Variants in OR4D2 observed in about 807,000 individuals in gnomAD.
OR4D2 encodes the protein olfactory receptor family 4 subfamily D member 2.
Under a neutral mutation model 12.4 loss-of-function variants are expected in OR4D2, and 9 were observed. That is an observed-to-expected ratio of 0.73 (90% confidence interval 0.44 to 1.27). The LOEUF is 1.27. Ranked by LOEUF, OR4D2 falls within the 50% of genes most tolerant of loss-of-function variation. OR4D2 has a pLI of 0.00. For synonymous variants in OR4D2, 151 were observed against 151.1 expected (o/e 1.00, Z 0.01); for missense variants, 373 against 381.6 (o/e 0.98, Z 0.19).
At chr17:58,168,454 C>T (rs901731410) in intron 1 of OR4D2, among the ~76,000 whole-genome samples, 3 of 152,058 alleles carry the variant, frequency 2.0e-5, no homozygotes, top group Non-Finnish European at 4.4e-5. Context: ...GTGATCCATC[C>T]GCCTCCGCCT....
Position 58,169,940 on chromosome 17 carries a change from G to T in OR4D2, c.285G>T (p.Gln95His), listed in dbSNP as rs1328500468. 7 of 1,613,936 alleles carry T rather than the reference G, an allele frequency of 4.3e-6. No individual in the cohort carries two copies. The highest frequency in any genetic ancestry group is 5.9e-6 in the Non-Finnish European group (7 of 1,180,034). ...LLSEKKTISY[Q>H]GCMGQIFFFH... ...CTGAGAAGAAAACCATCTCTTACCAGGGCTGCATGGGTCAGATCTTCTTCT... is the reference window on the plus strand; with the variant it reads ...CTGAGAAGAAAACCATCTCTTACCATGGCTGCATGGGTCAGATCTTCTTCT... The change falls in exon 2 of 2, where the codon CAG (glutamine) becomes CAT (histidine). Residue 95 changes from glutamine to histidine, a missense_variant. Coordinates refer to ENST00000545221, the MANE Select transcript of OR4D2 (RefSeq NM_001004707.4).
At chr17:58,167,238 T>C (rs139550678) in intron 1 of OR4D2, among the ~76,000 whole-genome samples, 185 bp downstream of exon 1, 1,583 of 152,192 alleles carry the variant, frequency 0.01, 10 homozygotes, top group South Asian at 0.027. Context: ...AAATGATAAA[T>C]GCTATAATGG....
rs765833501 is a variant in OR4D2 at position 58,170,196 on chromosome 17, G to A, written c.541G>A (p.Val181Ile). The change falls in exon 2 of 2, where the codon GTT becomes ATT. Residue 181 changes from valine to isoleucine, a missense_variant. Coordinates refer to ENST00000545221, the MANE Select transcript of OR4D2 (RefSeq NM_001004707.4). ...CATTTTGGATAACTTCTACTGTGAT[G>A]TTCCCCAAGTACTGAGACTTGCCTG... ...PNILDNFYCD[V>I]PQVLRLACTD... 9 of 1,614,044 alleles carry A rather than the reference G, an allele frequency of 5.6e-6. No individual in the cohort carries two copies. Among genetic ancestry groups the A allele is most frequent in the Non-Finnish European group, 7.6e-6 (9 of 1,180,036 alleles).
In OR4D2 at chr17:58,169,865, CCT is replaced by C. The variant is rs1967938287; in HGVS notation, c.213_214del (p.Cys72PhefsTer16). 8.7e-6 allele frequency: 14 copies of C among 1,614,046 alleles called. No individual in the cohort carries two copies. The highest frequency in any genetic ancestry group is 1.2e-5 in the Non-Finnish European group (14 of 1,180,014). ...FLLRNLAVLD[L>X]CFSSVTAPKM... ...TGCTCCGAAACCTGGCTGTCCTAGA[CCT>C]CTGTTTCTCTTCAGTCACTGCTCCC... On this transcript the variant is annotated frameshift_variant, in exon 2 of 2. Transcript: ENST00000545221. LOFTEE classifies it high-confidence loss of function.
intron 1 of OR4D2, among the ~76,000 whole-genome samples, chr17:58,167,561 G>A (rs983043452): frequency 4.6e-5 from 7 of 152,180 alleles, no homozygotes; most frequent in Non-Finnish European, 7.3e-5. Flanking sequence ...TTGCATGCAC[G>A]TATGTAGGTA....
At position 58,167,554 on chromosome 17, in the gene OR4D2, C is replaced by T. The variant is rs539972442; in HGVS notation, c.-19+501C>T. 2.0e-5 allele frequency among the ~76,000 whole-genome samples: 3 copies of T among 152,242 alleles called. No homozygotes were observed. In the East Asian group the frequency reaches 5.8e-4, roughly 29 times the overall value. ...TGTATGAAATGCTGAGAGAGAGTTGCATGCACGTATGTAGGTATGTTTTTC... is the reference window on the plus strand; with the variant it reads ...TGTATGAAATGCTGAGAGAGAGTTGTATGCACGTATGTAGGTATGTTTTTC... On this transcript the variant is annotated intron_variant, in intron 1 of 1. Transcript: ENST00000545221.
intron 1 of OR4D2, among the ~76,000 whole-genome samples, chr17:58,169,057 A>T (rs1257186230): frequency 1.3e-5 from 2 of 152,250 alleles, no homozygotes; most frequent in Non-Finnish European, 2.9e-5. Flanking sequence ...AATATAGACA[A>T]GGAAAATCCA....
rs1412281171 is a variant in OR4D2 at position 58,169,902 on chromosome 17, G to A, written c.247G>A (p.Val83Met). ...TTCAGTCACTGCTCCCAAAATGCTA[G>A]TGGACCTCCTCTCTGAGAAGAAAAC... ...FSSVTAPKML[V>M]DLLSEKKTIS... The change falls in exon 2 of 2, where the codon GTG becomes ATG. Residue 83 changes from valine to methionine, a missense_variant. By Grantham distance (21) the Val-to-Met change is conservative. Transcript: ENST00000545221. 5.6e-6 allele frequency: 9 copies of A among 1,614,108 alleles called. No homozygotes were observed. The East Asian group carries it at 1.3e-4, about 24-fold the overall frequency.
Position 58,169,745 on chromosome 17 carries a change from G to A in OR4D2, c.90G>A (p.Met30Ile), listed in dbSNP as rs1380513648. ...AGCTCCAGCGTTTCCTGTTTCTAAT[G>A]TTCCTGTTTGTCTACATCACCACTG... ...TRELQRFLFL[M>I]FLFVYITTVM... The change falls in exon 2 of 2, where the codon ATG (methionine) becomes ATA (isoleucine). Residue 30 changes from methionine to isoleucine, a missense_variant. Coordinates refer to ENST00000545221, the MANE Select transcript of OR4D2 (RefSeq NM_001004707.4). The A allele has an allele frequency of 6.8e-6, 11 of 1,614,038 alleles. No individual in the cohort carries two copies. The highest frequency in any genetic ancestry group is 2.2e-5 in the East Asian group (1 of 44,878).
In OR4D2 at chr17:58,170,821, C is replaced by CCA; in HGVS notation, c.*246_*247dup. The stretch of plus-strand genomic sequence containing the variant: ...GAATTGTTCACATGGCCCCTGAAAA[C>CCA]CACACCTTCCTTTTCACCTTCTTGG... On this transcript the variant is annotated 3_prime_UTR_variant, in exon 2 of 2. Coordinates refer to ENST00000545221, the MANE Select transcript of OR4D2 (RefSeq NM_001004707.4). 1.9e-6 allele frequency: 1 copy of CCA among 518,948 alleles called. No individual in the cohort carries two copies. Among genetic ancestry groups the CCA allele is most frequent in the Non-Finnish European group, 3.4e-6 (1 of 290,020 alleles). The allele number at this position is 518,948 out of a possible 1,614,324, so 32.1% of individuals were successfully genotyped here.
intron 1 of OR4D2, chr17:58,169,397 C>T (rs947569194): frequency 1.7e-5 from 9 of 521,596 alleles, no homozygotes; most frequent in African/African-American, 1.5e-4. Context: ...AAGTGTCTTC[C>T]CACCACTATA....
intron 1 of OR4D2, among the ~76,000 whole-genome samples, chr17:58,168,504 G>A (rs1442242526): frequency 1.3e-5 from 2 of 152,004 alleles, no homozygotes; most frequent in Admixed American, 6.6e-5. Flanking sequence ...CACCTCTCCC[G>A]GCTCCTCCAT....
intron 1 of OR4D2, among the ~76,000 whole-genome samples, chr17:58,168,597 A>G (rs960862527): frequency 4.6e-5 from 7 of 151,298 alleles, no homozygotes; most frequent in African/African-American, 1.7e-4. Context: ...CTATTCCTTC[A>G]TCTCCCTTTA....
In OR4D2 at chr17:58,170,694, G is replaced by A. The variant is rs1461267042; in HGVS notation, c.*115G>A. On this transcript the variant is annotated 3_prime_UTR_variant, in exon 2 of 2. Transcript: ENST00000545221. ...GTTGAGGTTCATCATAGCAGGGAAT[G>A]AATTTTGAAACTAAGCAACTTCGTG... 2.4e-6 allele frequency: 2 copies of A among 818,252 alleles called. No homozygotes were observed. Among genetic ancestry groups the A allele is most frequent in the East Asian group, 2.5e-5 (1 of 40,204 alleles). The allele number at this position is 818,252 out of a possible 1,614,324, so 50.7% of individuals were successfully genotyped here.
At position 58,170,137 on chromosome 17, in the gene OR4D2, C is replaced by A; in HGVS notation, c.482C>A (p.Ala161Asp). 1 of 1,614,178 alleles carries A rather than the reference C, an allele frequency of 6.2e-7. No homozygotes were observed. The highest frequency in any genetic ancestry group is 8.5e-7 in the Non-Finnish European group (1 of 1,180,038). The change falls in exon 2 of 2, where the codon GCT (alanine) becomes GAT (aspartate). Residue 161 changes from alanine (A) to aspartate (D), a missense_variant. By Grantham distance (126) the Ala-to-Asp change is moderately radical. Coordinates refer to ENST00000545221, the MANE Select transcript of OR4D2 (RefSeq NM_001004707.4). The part of the protein sequence containing the change: ...GGFVHSIVQL[A>D]LMLPLPFCGP... ...TTTGTCCACTCTATTGTCCAGCTGG[C>A]TCTGATGCTCCCACTGCCCTTCTGT... is the stretch of plus-strand genomic sequence containing the variant.
intron 1 of OR4D2, among the ~76,000 whole-genome samples, chr17:58,167,640 T>C (rs555263983): frequency 6.6e-6 from 1 of 152,242 alleles, no homozygotes; most frequent in African/African-American, 2.4e-5. Context: ...TTTTAAGCTG[T>C]GAGCAAATCA....
chr17:58,169,575 C>T (rs1425859411), intron 1 of OR4D2, 63 bp from the exon 2 acceptor site: 10 of 1,160,406 alleles, frequency 8.6e-6, no homozygotes, highest in African/African-American at 1.5e-5. Flanking sequence ...GTTCTGAGCC[C>T]CTGAGCCCTG....
In OR4D2 at chr17:58,169,873, T is replaced by C. The variant is rs1232162053; in HGVS notation, c.218T>C (p.Phe73Ser). The C allele has an allele frequency of 6.2e-7, 1 of 1,614,140 alleles. No homozygotes were observed. Among genetic ancestry groups the C allele is most frequent in the Admixed American group, 1.7e-5 (1 of 60,020 alleles). ...LRNLAVLDLC[F>S]SSVTAPKMLV... Reference sequence around the variant, plus strand: ...AACCTGGCTGTCCTAGACCTCTGTTTCTCTTCAGTCACTGCTCCCAAAATG... The same window carrying C: ...AACCTGGCTGTCCTAGACCTCTGTTCCTCTTCAGTCACTGCTCCCAAAATG... The change falls in exon 2 of 2, where the codon TTC (phenylalanine) becomes TCC (serine). Residue 73 changes from phenylalanine (F) to serine (S), a missense_variant. Phe to Ser is a radical substitution (Grantham distance 155). Transcript: ENST00000545221.
In OR4D2 at chr17:58,169,942, G is replaced by A. The variant is rs1359960059; in HGVS notation, c.287G>A (p.Gly96Asp). The part of the protein sequence containing the change: ...LSEKKTISYQ[G>D]CMGQIFFFHF... Reference sequence around the variant, plus strand: ...GAGAAGAAAACCATCTCTTACCAGGGCTGCATGGGTCAGATCTTCTTCTTC... The same window carrying A: ...GAGAAGAAAACCATCTCTTACCAGGACTGCATGGGTCAGATCTTCTTCTTC... Residue 96 changes from glycine to aspartate, a missense_variant, in exon 2 of 2, where the codon GGC becomes GAC. Coordinates refer to ENST00000545221, the MANE Select transcript of OR4D2 (RefSeq NM_001004707.4). 1 of 1,614,056 alleles carries A rather than the reference G, an allele frequency of 6.2e-7. No homozygotes were observed. The highest frequency in any genetic ancestry group is 8.5e-7 in the Non-Finnish European group (1 of 1,180,012).
Sources: allele counts gnomAD v4.1 joint callset (sites outside exome capture counted in the v4.1 genomes callset), GRCh38; gene constraint gnomAD v4.1.1; transcripts MANE v1.5; gene names NCBI Gene and HGNC (gene_info 2026-07-23, HGNC 2026-07-21).